Variants in MIOS observed in about 807,000 individuals in gnomAD.
MIOS encodes meiosis regulator for oocyte development.
MIOS carries 52 observed loss-of-function variants against 96.9 expected under a neutral mutation model. The ratio of observed to expected loss-of-function variants is 0.54; its 90% CI spans 0.43 to 0.68. The LOEUF is 0.68. Ranked by LOEUF, MIOS falls within the 30% of genes least tolerant of loss-of-function variation. The pLI, the probability that MIOS is intolerant of heterozygous loss-of-function variation, is 0.00. For synonymous variants in MIOS, 397 were observed against 359.5 expected (o/e 1.10, Z -1.18); for missense variants, 1,005 against 1,052.8 (o/e 0.95, Z 0.63).
At chr7:7,583,815 T>C (rs1783803037) in intron 6 of MIOS, among the ~76,000 whole-genome samples, 1 of 152,220 alleles carries the variant, frequency 6.6e-6, no homozygotes, top group Non-Finnish European at 1.5e-5. Flanking sequence ...CACTTTTATT[T>C]AGGCTAATAC....
At chr7:7,585,549 C>A (rs1195173969) in intron 6 of MIOS, 87 bp from the exon 7 acceptor site, 12 of 1,244,586 alleles carry the variant, frequency 9.6e-6, no homozygotes, top group Admixed American at 2.8e-5. Flanking sequence ...AAAAGTCACC[C>A]TCTGATTTCT....
At chr7:7,598,567 C>T (rs1000005435) in intron 11 of MIOS, among the ~76,000 whole-genome samples, 8 of 152,008 alleles carry the variant, frequency 5.3e-5, no homozygotes, top group African/African-American at 1.9e-4. Flanking sequence ...TTTGGAATAT[C>T]TACAACAATG....
At chr7:7,596,954 A>G (rs1784220029) in intron 11 of MIOS, among the ~76,000 whole-genome samples, 2 of 152,030 alleles carry the variant, frequency 1.3e-5, no homozygotes, top group Non-Finnish European at 2.9e-5. Context: ...CAGCTCTTTG[A>G]GAGGCCAGGG....
chr7:7,593,870 C>A (rs1335460039), intron 9 of MIOS, among the ~76,000 whole-genome samples: 2 of 124,888 alleles, frequency 1.6e-5, no homozygotes, highest in South Asian at 2.7e-4. Context: ...CAGAGTGAGA[C>A]TCTGTCTCCA....
Position 7,602,408 on chromosome 7 carries a change from C to G in MIOS, c.2402-3534C>G, listed in dbSNP as rs547124834. On this transcript the variant is annotated intron_variant, in intron 11 of 12. Coordinates refer to ENST00000340080, the MANE Select transcript of MIOS (RefSeq NM_019005.4). ...ATACAAAATCAATGTGCAGAAATCACAAGCATTCTTATACACCAATAACAG... is the reference window on the plus strand; with the variant it reads ...ATACAAAATCAATGTGCAGAAATCAGAAGCATTCTTATACACCAATAACAG... Among the ~76,000 whole-genome samples the G allele has an allele frequency of 2.9e-3, 437 of 152,262 alleles. 1 individual carries two copies. The highest frequency in any genetic ancestry group is 1.0e-2 in the African/African-American group (415 of 41,546).
chr7:7,574,331 A>G, intron 5 of MIOS, 135 bp downstream of exon 5: 3 of 589,438 alleles, frequency 5.1e-6, no homozygotes, highest in South Asian at 4.5e-5. Context: ...CTGATTGGAT[A>G]TTTCATTGTA....
At chr7:7,586,997 T>G (rs948236051) in intron 7 of MIOS, among the ~76,000 whole-genome samples, 5 of 139,446 alleles carry the variant, frequency 3.6e-5, no homozygotes, top group African/African-American at 1.7e-4. Context: ...CCTTTTTTTT[T>G]TTTTTTTTTT....
chr7:7,576,397 T>A (rs1049323971), intron 5 of MIOS, among the ~76,000 whole-genome samples: 52 of 152,170 alleles, frequency 3.4e-4, no homozygotes, highest in African/African-American at 1.2e-3. Flanking sequence ...AGCTGGCAGT[T>A]ATAACATAGG....
intron 11 of MIOS, among the ~76,000 whole-genome samples, chr7:7,597,331 TAA>T (rs59939742): frequency 0.72 from 103,416 of 143,010 alleles, 37,502 homozygotes; most frequent in Admixed American, 0.77. Context: ...GTCCTAAATT[TAA>T]AAAAAAAAAA....
rs1254078023 is a variant in MIOS, at chr7:7,588,531, G to T, written c.1852G>T (p.Ala618Ser). The T allele has an allele frequency of 6.3e-7, 1 of 1,592,518 alleles. No individual in the cohort carries two copies. Among genetic ancestry groups the T allele is most frequent in the Non-Finnish European group, 8.6e-7 (1 of 1,168,212 alleles). Reference protein sequence around the residue: ...ENKVAVRDRVAFACKFLSDTQ... With the variant: ...ENKVAVRDRVSFACKFLSDTQ... ...CAAAGTTGCAGTACGTGACAGAGTG[G>T]CATTTGCTTGTAAATTCCTTAGTGA... Residue 618 changes from alanine (A) to serine (S), a missense_variant, in exon 8 of 13, where the codon GCA becomes TCA. Coordinates refer to ENST00000340080, the MANE Select transcript of MIOS (RefSeq NM_019005.4).
intron 3 of MIOS, among the ~76,000 whole-genome samples, chr7:7,571,993 A>G (rs1343377667): frequency 6.6e-6 from 1 of 152,236 alleles, no homozygotes; most frequent in East Asian, 1.9e-4. Flanking sequence ...GGACAGCATG[A>G]ACATGAAACA....
At chr7:7,582,073 A>G (rs536574070) in intron 5 of MIOS, among the ~76,000 whole-genome samples, 106 of 152,310 alleles carry the variant, frequency 7.0e-4, no homozygotes, top group Middle Eastern at 3.4e-3. Context: ...GCCTACAACC[A>G]ACAGGTTGAA....
At chr7:7,593,053 A>T (rs1784094903) in intron 9 of MIOS, among the ~76,000 whole-genome samples, 1 of 152,186 alleles carries the variant, frequency 6.6e-6, no homozygotes, top group South Asian at 2.1e-4. Context: ...ATTGGAGAGG[A>T]TCTAGAGAAG....
At position 7,573,698 on chromosome 7, in the gene MIOS, A is replaced by G. The variant is rs752717299; in HGVS notation, c.1223A>G (p.Gln408Arg). 1 of 1,613,368 alleles carries G rather than the reference A, an allele frequency of 6.2e-7. No homozygotes were observed. The highest frequency in any genetic ancestry group is 2.2e-5 in the East Asian group (1 of 44,876). Residue 408 changes from glutamine (Q) to arginine (R), a missense_variant, in exon 4 of 13, where the codon CAG (glutamine) becomes CGG (arginine). By Grantham distance (43) the Gln-to-Arg change is conservative (BLOSUM62 1). Around this residue, in one of 3 missense-constraint regions of MIOS, gnomAD observed 865 missense variants for 887.9 expected, o/e 0.97. Coordinates refer to ENST00000340080, the MANE Select transcript of MIOS (RefSeq NM_019005.4). The surrounding 1 kb of genome is among the most constrained non-coding windows in gnomAD (Gnocchi z 5.0). ...TCAAGGTATGGACTTGATACAGAGC[A>G]GGTGTGGAGGAACCACATTTTAGCT... Reference protein sequence around the residue: ...ALSRYGLDTEQVWRNHILAGN... With the variant: ...ALSRYGLDTERVWRNHILAGN...
chr7:7,588,666 T>G, intron 8 of MIOS, 103 bp downstream of exon 8: 1 of 583,666 alleles, frequency 1.7e-6, no homozygotes, highest in Non-Finnish European at 2.6e-6. Flanking sequence ...ATTGATAAGC[T>G]AATTCTTCTA....
intron 6 of MIOS, among the ~76,000 whole-genome samples, chr7:7,585,145 AC>A (rs1275336958): frequency 6.6e-6 from 1 of 152,144 alleles, no homozygotes; most frequent in Non-Finnish European, 1.5e-5. Flanking sequence ...TTTTTGAAAT[AC>A]CTTTACATTA....
At chr7:7,567,886 C>T (rs1263472652) in intron 2 of MIOS, 140 bp from the exon 3 acceptor site, 3 of 152,216 alleles carry the variant, frequency 2.0e-5, no homozygotes, top group Admixed American at 6.5e-5. Flanking sequence ...GCATTGATTA[C>T]ATATTGAAAG....
intron 11 of MIOS, 42 bp downstream of exon 11, chr7:7,596,503 A>T: frequency 6.5e-7 from 1 of 1,535,374 alleles, no homozygotes; most frequent in Non-Finnish European, 9.0e-7. Flanking sequence ...AACTGAAATG[A>T]TTCTTACATA....
intron 11 of MIOS, among the ~76,000 whole-genome samples, chr7:7,602,024 C>T (rs1041348004): frequency 6.6e-6 from 1 of 152,116 alleles, no homozygotes; most frequent in African/African-American, 2.4e-5. Flanking sequence ...ATTCAACAAC[C>T]CTTCATGCTA....
Sources: allele counts gnomAD v4.1 joint callset (sites outside exome capture counted in the v4.1 genomes callset), GRCh38; gene constraint gnomAD v4.1.1; regional missense constraint gnomAD v4.1.1; non-coding constraint Gnocchi (gnomAD v3.1); transcripts MANE v1.5; gene names NCBI Gene and HGNC (gene_info 2026-07-23, HGNC 2026-07-21).